Variants in SLC22A25 observed in about 807,000 individuals in gnomAD.
The protein encoded by SLC22A25 is solute carrier family 22 member 25, also known as MGI:2442751, MGI:2385316, MGI:3042283, MGI:3645714, MGI:3605624, MGI:2442750.
A neutral mutation model predicts 45.9 loss-of-function variants in SLC22A25; 44 were observed. That is an observed-to-expected ratio of 0.96 (90% confidence interval 0.75 to 1.23). SLC22A25 has a LOEUF of 1.23. Ranked by LOEUF, SLC22A25 falls within the 50% of genes most tolerant of loss-of-function variation. The pLI, the probability that SLC22A25 is intolerant of heterozygous loss-of-function variation, is 0.00. For missense variants in SLC22A25, 800 were observed against 666.4 expected, an observed-to-expected ratio of 1.20 and a Z score of -2.21; for synonymous variants, 283 against 238.6, an observed-to-expected ratio of 1.19 and a Z score of -1.72.
At chr11:63,218,291 T>C (rs985225797) in intron 5 of SLC22A25, 12 of 314,890 alleles carry the variant, frequency 3.8e-5, no homozygotes, top group Non-Finnish European at 5.5e-5. Context: ...AAGGGGGAGC[T>C]AAACGTTAAG....
Position 63,160,166 on chromosome 11 carries a change from C to A in SLC22A25, c.*3658G>T, listed in dbSNP as rs1020726397. Among the ~76,000 whole-genome samples the A allele has an allele frequency of 6.6e-6, 1 of 152,134 alleles. No homozygotes were observed. The highest frequency in any genetic ancestry group is 1.5e-5 in the Non-Finnish European group (1 of 68,024). ...GAAATTTGCATAAGTAATGAGGAAC[C>A]AAAGGTTAATCCCTAAGACAATGGG... On this transcript the variant is annotated 3_prime_UTR_variant, in exon 12 of 12. Coordinates refer to ENST00000306494, the MANE Select transcript of SLC22A25 (RefSeq NM_199352.6).
At chr11:63,185,171 T>C (rs1456581543) in intron 7 of SLC22A25, among the ~76,000 whole-genome samples, 4 of 152,178 alleles carry the variant, frequency 2.6e-5, no homozygotes, top group African/African-American at 9.7e-5. Flanking sequence ...AGGTTTAGGG[T>C]ACATGTGCAC....
chr11:63,185,587 C>T (rs1329564550), intron 7 of SLC22A25, among the ~76,000 whole-genome samples: 1 of 148,792 alleles, frequency 6.7e-6, no homozygotes, highest in Non-Finnish European at 1.5e-5. Context: ...TACATGTGCA[C>T]ATTGTGCAGG....
At chr11:63,226,134 G>T (rs1244250127) in intron 5 of SLC22A25, among the ~76,000 whole-genome samples, 1 of 151,746 alleles carries the variant, frequency 6.6e-6, no homozygotes, top group Non-Finnish European at 1.5e-5. Context: ...CTCCAATATT[G>T]GTCCCTGGTA....
chr11:63,217,372 G>A lies in SLC22A25; in HGVS notation c.772C>T (p.Gln258Ter). Residue 258 changes from glutamine to a stop codon, truncating the protein, a stop_gained, in exon 7 of 12, where the codon CAG (glutamine) becomes TAG (stop). Transcript: ENST00000306494. LOFTEE classifies it high-confidence loss of function. ...LGSLAFVIRD[Q>*]CILQLVMSAP... is the part of the protein sequence containing the mutation. ...GACATCACCAACTGGAGGATGCACT[G>A]GTCTCGAATGACAAAAGCCAGGCTT... The A allele has an allele frequency of 1.2e-6, 2 of 1,613,954 alleles. No individual in the cohort carries two copies. The highest frequency in any genetic ancestry group is 1.7e-6 in the Non-Finnish European group (2 of 1,179,986).
chr11:63,168,874 T>A (rs1277774094), intron 9 of SLC22A25, among the ~76,000 whole-genome samples: 1 of 151,790 alleles, frequency 6.6e-6, no homozygotes, highest in African/African-American at 2.4e-5. Context: ...GTCAGAGTCT[T>A]CAAGATTGAA....
intron 9 of SLC22A25, among the ~76,000 whole-genome samples, chr11:63,179,081 C>G (rs1366821323): frequency 6.6e-6 from 1 of 151,996 alleles, no homozygotes; most frequent in Non-Finnish European, 1.5e-5. Context: ...GGTGCTTCAG[C>G]CTCCTGAGTA....
intron 3 of SLC22A25, among the ~76,000 whole-genome samples, chr11:63,234,211 T>A (rs1392813892): frequency 2.0e-5 from 3 of 152,208 alleles, no homozygotes; most frequent in Admixed American, 6.5e-5. Context: ...TCTGTCTCAT[T>A]GATCTGTCTA....
chr11:63,209,235 G>C (rs2134796135), intron 7 of SLC22A25, among the ~76,000 whole-genome samples: 1 of 152,202 alleles, frequency 6.6e-6, no homozygotes, highest in African/African-American at 2.4e-5. Flanking sequence ...ATTGTTTACA[G>C]CCCTGCCTAG....
At position 63,159,853 on chromosome 11, in the gene SLC22A25, CTTG is replaced by C. The variant is rs1210482968; in HGVS notation, c.*3968_*3970del. Among the ~76,000 whole-genome samples the C allele has an allele frequency of 6.6e-6, 1 of 152,136 alleles. No individual in the cohort carries two copies. The highest frequency in any genetic ancestry group is 2.4e-5 in the African/African-American group (1 of 41,420). Reference sequence around the variant, plus strand: ...GGTGGTCTCAGATGAAGATGAAGAACTTGTTGGTAACTGGAGTAAAGGTGACTC... The same window carrying C: ...GGTGGTCTCAGATGAAGATGAAGAACTTGGTAACTGGAGTAAAGGTGACTC... On this transcript the variant is annotated 3_prime_UTR_variant, in exon 12 of 12. Transcript: ENST00000306494.
chr11:63,207,646 C>G (rs1003245443), intron 7 of SLC22A25, among the ~76,000 whole-genome samples: 3 of 152,030 alleles, frequency 2.0e-5, no homozygotes, highest in African/African-American at 7.2e-5. Flanking sequence ...ACCCAATTCC[C>G]CCTGAGAAAA....
At chr11:63,226,015 AT>A (rs2089954848) in intron 5 of SLC22A25, among the ~76,000 whole-genome samples, 2 of 152,062 alleles carry the variant, frequency 1.3e-5, no homozygotes, top group African/African-American at 4.8e-5. Context: ...TGTTTGGTAA[AT>A]TAATCTAATA....
intron 7 of SLC22A25, among the ~76,000 whole-genome samples, chr11:63,204,647 C>G (rs538085294): frequency 6.6e-6 from 1 of 152,172 alleles, no homozygotes; most frequent in Non-Finnish European, 1.5e-5. Context: ...ACAGGAGCAC[C>G]CACATTCATA....
chr11:63,175,825 G>GTGTATATATATATA (rs36011311), intron 9 of SLC22A25, among the ~76,000 whole-genome samples: 5 of 150,332 alleles, frequency 3.3e-5, no homozygotes, highest in African/African-American at 9.8e-5. Flanking sequence ...AATTGGGTGT[G>GTGTATATATATATA]TATATATATA....
At chr11:63,170,093 A>G (rs1291297225) in intron 9 of SLC22A25, among the ~76,000 whole-genome samples, 3 of 152,218 alleles carry the variant, frequency 2.0e-5, no homozygotes, top group African/African-American at 7.2e-5. Flanking sequence ...TAAAGACAGA[A>G]ATAAAGAAGT....
In SLC22A25 at chr11:63,196,633, AC is replaced by A. The variant is rs1199614358; in HGVS notation, c.831-12817del. Among the ~76,000 whole-genome samples the A allele has an allele frequency of 2.0e-5, 3 of 152,294 alleles. No homozygotes were observed. The East Asian group carries it at 5.8e-4, about 29-fold the overall frequency. Reference sequence around the variant, plus strand: ...AAATAATAAGAGCTATTTATGACAAACCCACATCCAATATCATACTGAATGG... The same window carrying A: ...AAATAATAAGAGCTATTTATGACAAACCACATCCAATATCATACTGAATGG... On this transcript the variant is annotated intron_variant, in intron 7 of 11. Coordinates refer to ENST00000306494, the MANE Select transcript of SLC22A25 (RefSeq NM_199352.6).
At chr11:63,197,075 ACT>A (rs1417913662) in intron 7 of SLC22A25, among the ~76,000 whole-genome samples, 1 of 152,196 alleles carries the variant, frequency 6.6e-6, no homozygotes, top group Non-Finnish European at 1.5e-5. Context: ...TTCAAGGAGA[ACT>A]ACAAACCACT....
At position 63,234,193 on chromosome 11, in the gene SLC22A25, G is replaced by T. The variant is rs144126584; in HGVS notation, c.-445+3688C>A. ...CTGAGTTTAGTTCCTGGATATCCTT[G>T]TTAACTTTCTGTCTCATTGATCTGT... On this transcript the variant is annotated intron_variant, in intron 3 of 11. Transcript: ENST00000306494. 2.0e-3 allele frequency among the ~76,000 whole-genome samples: 311 copies of T among 152,242 alleles called. 1 individual carries two copies. The highest frequency in any genetic ancestry group is 6.8e-3 in the African/African-American group (281 of 41,538).
chr11:63,179,890 G>A (rs1384147802), intron 9 of SLC22A25, among the ~76,000 whole-genome samples: 1 of 152,068 alleles, frequency 6.6e-6, no homozygotes, highest in Non-Finnish European at 1.5e-5. Flanking sequence ...TCTGAGTGAG[G>A]GGAGACAGAG....
Sources: gnomAD v4.1 joint callset for allele counts (sites outside exome capture counted in the v4.1 genomes callset) on GRCh38, gnomAD v4.1.1 for gene constraint, MANE v1.5 for transcripts, NCBI Gene and HGNC (gene_info 2026-07-23, HGNC 2026-07-21) for gene names.